The following ADAMTS9 variants were observed in gnomAD, a reference collection of about 807,000 sequenced individuals.
The protein encoded by ADAMTS9 is ADAM metallopeptidase with thrombospondin type 1 motif 9, also known as A disintegrin and metalloproteinase with thrombospondin motifs 9.
Under a neutral mutation model 257.1 loss-of-function variants are expected in ADAMTS9, and 107 were observed. That is an observed-to-expected ratio of 0.42 (90% CI 0.36 to 0.49). The LOEUF (loss-of-function observed/expected upper bound fraction) is 0.49, where lower values mean the gene tolerates loss of function less well. ADAMTS9 is among the 20% of genes least tolerant of loss of function. The pLI is 0.03. For synonymous variants in ADAMTS9, 982 were observed against 880.9 expected, an observed-to-expected ratio of 1.11 and a Z score of -2.03; for missense variants, 2,353 against 2,469.1, an observed-to-expected ratio of 0.95 and a Z score of 1.00.
chr3:64,642,115 G>A (rs868796490), intron 11 of ADAMTS9, 122 bp from the exon 12 acceptor site: 2 of 1,103,002 alleles, frequency 1.8e-6, no homozygotes, highest in Non-Finnish European at 1.3e-6. Context: ...AATGCTGCAG[G>A]TTCATCATCT....
rs1408416260 is a variant in ADAMTS9, at chr3:64,633,807, G to C, written c.1929C>G (p.Leu643=). 1.2e-6 allele frequency: 2 copies of C among 1,613,250 alleles called. No individual in the cohort carries two copies. The highest frequency in any genetic ancestry group is 3.3e-5 in the Admixed American group (2 of 59,932). The stretch of plus-strand genomic sequence containing the variant: ...CATCTCGGAAGTCTCGCTTCTGCTT[G>C]AGACATGGCTCCGTGTTGCAGGACT... ...KFKSCNTEPC[L]KQKRDFRDEQ... The change falls in exon 13 of 40, where the codon CTC becomes CTG. Residue 643 remains leucine, a synonymous_variant. Transcript: ENST00000498707.
intron 3 of ADAMTS9, among the ~76,000 whole-genome samples, chr3:64,661,159 T>C (rs80118777): frequency 4.6e-5 from 7 of 152,142 alleles, no homozygotes; most frequent in African/African-American, 9.7e-5. Context: ...TTTTATGCAG[T>C]CCAGTTATAG....
intron 10 of ADAMTS9, 89 bp downstream of exon 10, chr3:64,649,548 A>G: frequency 6.9e-7 from 1 of 1,440,288 alleles, no homozygotes; most frequent in Non-Finnish European, 9.3e-7. Context: ...TGGGTAGTTT[A>G]TAGTCGAGTT....
chr3:64,620,857 G>A (rs1700086033), intron 19 of ADAMTS9, among the ~76,000 whole-genome samples: 1 of 152,178 alleles, frequency 6.6e-6, no homozygotes, highest in Non-Finnish European at 1.5e-5. Flanking sequence ...AGCAAGTTGT[G>A]AGGATCAACT....
At chr3:64,517,415 G>GGTTTT (rs1553698660) in intron 39 of ADAMTS9, among the ~76,000 whole-genome samples, 2 of 11,542 alleles carry the variant, frequency 1.7e-4, no homozygotes, top group African/African-American at 1.4e-4. Flanking sequence ...AATTAAAAAT[G>GGTTTT]GTTTTTTTTT....
chr3:64,668,629 G>C (rs1308229282), intron 3 of ADAMTS9, among the ~76,000 whole-genome samples: 1 of 152,134 alleles, frequency 6.6e-6, no homozygotes, highest in Non-Finnish European at 1.5e-5. Flanking sequence ...ATAAAGTGTC[G>C]GAACAGGGCC....
chr3:64,582,381 C>A (rs890541938), intron 28 of ADAMTS9: 11 of 152,092 alleles, frequency 7.2e-5, no homozygotes, highest in African/African-American at 2.4e-4. Flanking sequence ...GTGATCTCTA[C>A]AATATAAGGA....
At chr3:64,663,870 G>A (rs1367985008) in intron 3 of ADAMTS9, among the ~76,000 whole-genome samples, 5 of 152,002 alleles carry the variant, frequency 3.3e-5, no homozygotes, top group African/African-American at 4.8e-5. Flanking sequence ...CACCTAACTG[G>A]TCCAACTAAT....
chr3:64,596,723 A>C, intron 27 of ADAMTS9, 107 bp downstream of exon 27: 1 of 1,363,982 alleles, frequency 7.3e-7, no homozygotes, highest in Non-Finnish European at 1.0e-6. Context: ...CCACCCCAGA[A>C]GCTTCTACTA....
chr3:64,561,858 C>G (rs1219902526), intron 29 of ADAMTS9, 107 bp from the exon 30 acceptor site: 3 of 939,580 alleles, frequency 3.2e-6, no homozygotes, highest in Admixed American at 2.7e-5. Context: ...AATCCAATGA[C>G]TTTCATAGCT....
chr3:64,649,806 T>C (rs1700888696), intron 9 of ADAMTS9, 28 bp from the exon 10 acceptor site: 23 of 1,598,266 alleles, frequency 1.4e-5, no homozygotes, highest in Non-Finnish European at 2.0e-5. Context: ...AACACACAGA[T>C]GGTGAGAACG....
intron 16 of ADAMTS9, among the ~76,000 whole-genome samples, chr3:64,630,634 G>A (rs925922616): frequency 4.6e-5 from 7 of 152,116 alleles, no homozygotes; most frequent in African/African-American, 1.7e-4. Flanking sequence ...GGATGTGTGG[G>A]CAAGGGAGAG....
At chr3:64,662,707 A>G (rs1051537489) in intron 3 of ADAMTS9, among the ~76,000 whole-genome samples, 3 of 152,154 alleles carry the variant, frequency 2.0e-5, no homozygotes, top group Non-Finnish European at 4.4e-5. Flanking sequence ...ACAAAAGACC[A>G]CACATCAAAG....
intron 28 of ADAMTS9, 137 bp from the exon 29 acceptor site, chr3:64,568,672 A>G: frequency 9.7e-7 from 1 of 1,025,996 alleles, no homozygotes; most frequent in Non-Finnish European, 1.4e-6. Context: ...CAGTTTGGAT[A>G]ATATCTCAAG....
rs142199471 is a variant in ADAMTS9, at chr3:64,554,695, A to G, written c.4699-3633T>C. ...CCAGCCTCCTTGCATTTCATCACACACTATAATTCAGAAAGAAAATAATCA... is the reference window on the plus strand; with the variant it reads ...CCAGCCTCCTTGCATTTCATCACACGCTATAATTCAGAAAGAAAATAATCA... On this transcript the variant is annotated intron_variant, in intron 30 of 39. Transcript: ENST00000498707. Among the ~76,000 whole-genome samples, 383 of 152,318 alleles carry G rather than the reference A, an allele frequency of 2.5e-3. 2 individuals carry two copies. The highest frequency in any genetic ancestry group is 8.9e-3 in the African/African-American group (371 of 41,570).
chr3:64,615,773 C>T (rs1278751413), intron 20 of ADAMTS9, among the ~76,000 whole-genome samples, 187 bp downstream of exon 20: 1 of 152,176 alleles, frequency 6.6e-6, no homozygotes, highest in Admixed American at 6.5e-5. Context: ...ACACGTCATG[C>T]CCATGTCAGA....
At chr3:64,610,832 T>C (rs2084651708) in intron 22 of ADAMTS9, among the ~76,000 whole-genome samples, 1 of 151,976 alleles carries the variant, frequency 6.6e-6, no homozygotes, top group East Asian at 1.9e-4. Context: ...ATCCCAGCAT[T>C]TTGGGAGACC....
intron 25 of ADAMTS9, among the ~76,000 whole-genome samples, chr3:64,603,666 C>G (rs1559787090): frequency 6.6e-6 from 1 of 152,182 alleles, no homozygotes; most frequent in East Asian, 1.9e-4. Context: ...ATCAGCCCAA[C>G]AGGACAGACA....
chr3:64,541,320 C>T lies in ADAMTS9; in HGVS notation c.5387G>A (p.Arg1796Lys). The change falls in exon 35 of 40, where the codon AGG becomes AAG. Residue 1796 changes from arginine (R) to lysine (K), a missense_variant and splice_region_variant. Physicochemically the swap from Arg to Lys is conservative, Grantham distance 26 (BLOSUM62 2). Transcript: ENST00000498707. ...SENFSEVYGH[R>K]LHNPTECPYN... is the part of the protein sequence containing the mutation. ...GATCTTCTGAGCCTGGCTCTCCTAC[C>T]TGTGCCCATAAACCTCGGAGAAATT... 1 of 1,614,164 alleles carries T rather than the reference C, an allele frequency of 6.2e-7. No homozygotes were observed. The highest frequency in any genetic ancestry group is 8.5e-7 in the Non-Finnish European group (1 of 1,180,010).
Sources: allele counts gnomAD v4.1 joint callset (sites outside exome capture counted in the v4.1 genomes callset), GRCh38; gene constraint gnomAD v4.1.1; transcripts MANE v1.5; gene names NCBI Gene and HGNC (gene_info 2026-07-23, HGNC 2026-07-21).